APCDD1: variants seen among roughly 807,000 people sequenced by gnomAD.
APCDD1 encodes the protein protein APCDD1.
A neutral mutation model predicts 38.1 loss-of-function variants in APCDD1; 15 were observed. That is an observed-to-expected ratio of 0.39 (90% CI 0.26 to 0.61). APCDD1 has a LOEUF of 0.61. APCDD1 is among the 20% of genes least tolerant of loss of function. APCDD1 has a pLI of 0.49. For missense variants in APCDD1, 647 were observed against 696.2 expected, an observed-to-expected ratio of 0.93 and a Z score of 0.79; for synonymous variants, 261 against 279.7, an observed-to-expected ratio of 0.93 and a Z score of 0.67.
chr18:10,464,685 T>C (rs1395706223), intron 1 of APCDD1, among the ~76,000 whole-genome samples: 1 of 152,128 alleles, frequency 6.6e-6, no homozygotes. Context: ...CCTCCCAGGG[T>C]GTTGGGATTA....
Position 10,488,166 on chromosome 18 carries a change from T to C in APCDD1, c.*128T>C. On this transcript the variant is annotated 3_prime_UTR_variant, in exon 5 of 5. Coordinates refer to ENST00000355285, the MANE Select transcript of APCDD1 (RefSeq NM_153000.5). ...CAGAGAACTGTCCTTCTTTTTCTCC[T>C]CTCCCTCCCTCCCAGCCCCTGAGTC... The C allele has an allele frequency of 8.6e-7, 1 of 1,164,832 alleles. No homozygotes were observed. The highest frequency in any genetic ancestry group is 1.2e-6 in the Non-Finnish European group (1 of 819,398). The allele number at this position is 1,164,832 out of a possible 1,614,324, so 72.2% of individuals were successfully genotyped here.
rs1313259355 is a variant in APCDD1, at chr18:10,470,939, T to C, written c.243-591T>C. ...TTTAGTTAATTGCCCCCTTTACTTTTCTACTAGAGAGAAAATTAATTCTGA... is the reference window on the plus strand; with the variant it reads ...TTTAGTTAATTGCCCCCTTTACTTTCCTACTAGAGAGAAAATTAATTCTGA... On this transcript the variant is annotated intron_variant, in intron 2 of 4. Coordinates refer to ENST00000355285, the MANE Select transcript of APCDD1 (RefSeq NM_153000.5). The surrounding 1 kb of genome is among the most constrained non-coding windows in gnomAD (Gnocchi z 4.1). Among the ~76,000 whole-genome samples, 1 of 152,238 alleles carries C rather than the reference T, an allele frequency of 6.6e-6. No individual in the cohort carries two copies. Among genetic ancestry groups the C allele is most frequent in the Non-Finnish European group, 1.5e-5 (1 of 68,044 alleles).
Position 10,472,481 on chromosome 18 carries a change from G to C in APCDD1, c.774+420G>C, listed in dbSNP as rs1440761092. ...CAGCTACCCAGGCCCTGGAGGAGGC[G>C]GGGAGGGACAGAAAGGGGAGGTGAC... is the stretch of plus-strand genomic sequence containing the variant. On this transcript the variant is annotated intron_variant, in intron 3 of 4. Coordinates refer to ENST00000355285, the MANE Select transcript of APCDD1 (RefSeq NM_153000.5). This position sits in a 1 kb window ranked among gnomAD's most constrained non-coding sequence, Gnocchi z 6.6. Among the ~76,000 whole-genome samples the C allele has an allele frequency of 6.6e-6, 1 of 152,162 alleles. No individual in the cohort carries two copies. The highest frequency in any genetic ancestry group is 1.5e-5 in the Non-Finnish European group (1 of 68,022).
rs1330136071 is a variant in APCDD1 at position 10,476,975 on chromosome 18, G to A, written c.774+4914G>A. ...TTCCTGATGTCAGTGACACCATGGG[G>A]ATGTTGAGTCAGGTGGTCTTGGAGC... On this transcript the variant is annotated intron_variant, in intron 3 of 4. Coordinates refer to ENST00000355285, the MANE Select transcript of APCDD1 (RefSeq NM_153000.5). The surrounding 1 kb of genome is among the most constrained non-coding windows in gnomAD (Gnocchi z 5.8). The A allele has an allele frequency of 6.6e-6, 1 of 152,438 alleles. No individual in the cohort carries two copies. Among genetic ancestry groups the A allele is most frequent in the East Asian group, 1.9e-4 (1 of 5,188 alleles). 9.4% of individuals were successfully genotyped at this position (152,438 alleles called of 1,614,324 possible). A position where few individuals can be genotyped will look rare whatever the true frequency, so the allele number is the denominator to read the frequency against.
chr18:10,485,570 T>C lies in APCDD1; in HGVS notation c.883T>C (p.Trp295Arg). Residue 295 changes from tryptophan (W) to arginine (R), a missense_variant, in exon 4 of 5, where the codon TGG (tryptophan) becomes CGG (arginine). Trp to Arg is a moderately radical substitution (Grantham distance 101). Transcript: ENST00000355285. The surrounding 1 kb of genome is among the most constrained non-coding windows in gnomAD (Gnocchi z 5.8). ...ADLTIGLHGEWVSQRCEVRPE... is the reference protein window; with the variant it reads ...ADLTIGLHGERVSQRCEVRPE... ...CCTGACCATCGGCCTGCACGGGGAG[T>C]GGGTGAGCCAGCGCTGTGAGGTGCG... is the stretch of plus-strand genomic sequence containing the variant. 3 of 1,613,550 alleles carry C rather than the reference T, an allele frequency of 1.9e-6. No individual in the cohort carries two copies. Among genetic ancestry groups the C allele is most frequent in the Non-Finnish European group, 2.5e-6 (3 of 1,179,928 alleles).
Position 10,471,807 on chromosome 18 carries a change from T to C in APCDD1, c.520T>C (p.Phe174Leu). The part of the protein sequence containing the change: ...GQQVNRTCPG[F>L]LADGGPWVQD... ...GCAGGTGAACCGCACATGCCCGGGC[T>C]TCCTCGCAGACGGGGGTCCCTGGGT... The change falls in exon 3 of 5, where the codon TTC (phenylalanine) becomes CTC (leucine). Residue 174 changes from phenylalanine (F) to leucine (L), a missense_variant. Transcript: ENST00000355285. This position sits in a 1 kb window ranked among gnomAD's most constrained non-coding sequence, Gnocchi z 5.5. 1 of 1,613,704 alleles carries C rather than the reference T, an allele frequency of 6.2e-7. No homozygotes were observed. The highest frequency in any genetic ancestry group is 8.5e-7 in the Non-Finnish European group (1 of 1,179,724).
At chr18:10,484,014 C>T (rs2031194488) in intron 3 of APCDD1, among the ~76,000 whole-genome samples, 1 of 152,216 alleles carries the variant, frequency 6.6e-6, no homozygotes, top group Non-Finnish European at 1.5e-5. Context: ...TGACTTCCAG[C>T]ATCTCTGACG....
intron 1 of APCDD1, among the ~76,000 whole-genome samples, chr18:10,459,301 G>T (rs968292803): frequency 7.1e-6 from 1 of 140,490 alleles, no homozygotes; most frequent in Non-Finnish European, 1.5e-5. Flanking sequence ...TCCCTGCTGG[G>T]AATCCCACAA....
intron 1 of APCDD1, among the ~76,000 whole-genome samples, chr18:10,457,705 T>C (rs547976209): frequency 1.3e-5 from 2 of 152,360 alleles, no homozygotes; most frequent in East Asian, 1.9e-4. Context: ...AAGTGCATCC[T>C]GTGTGAGGAT....
chr18:10,455,891 C>A (rs2030368775), intron 1 of APCDD1, among the ~76,000 whole-genome samples: 1 of 152,212 alleles, frequency 6.6e-6, no homozygotes, highest in Admixed American at 6.5e-5. Context: ...TGGCAGATCA[C>A]GTCGTGTTGA....
chr18:10,457,498 A>AT (rs1254443362), intron 1 of APCDD1, among the ~76,000 whole-genome samples: 1 of 152,132 alleles, frequency 6.6e-6, no homozygotes, highest in South Asian at 2.1e-4. Context: ...GGAATTAGTG[A>AT]TTTTTTTTCC....
intron 1 of APCDD1, among the ~76,000 whole-genome samples, chr18:10,466,890 CTT>C (rs1356830302): frequency 3.9e-5 from 6 of 152,226 alleles, no homozygotes; most frequent in African/African-American, 1.2e-4. Flanking sequence ...TCTAGAATCT[CTT>C]TTCACAATTT....
chr18:10,466,955 C>T (rs922648188), intron 1 of APCDD1, among the ~76,000 whole-genome samples: 2 of 152,170 alleles, frequency 1.3e-5, no homozygotes, highest in Admixed American at 1.3e-4. Context: ...ACATTCATTG[C>T]ATGTAAAATC....
intron 3 of APCDD1, among the ~76,000 whole-genome samples, chr18:10,474,788 T>C (rs2143542568): frequency 6.6e-6 from 1 of 152,230 alleles, no homozygotes; most frequent in East Asian, 1.9e-4. Context: ...TTCCCGTCAA[T>C]GTCCCTCTGC....
At chr18:10,462,998 C>G (rs1263185099) in intron 1 of APCDD1, among the ~76,000 whole-genome samples, 3 of 152,076 alleles carry the variant, frequency 2.0e-5, no homozygotes, top group Non-Finnish European at 2.9e-5. Context: ...GGTGGCCCCC[C>G]CTTCACCTTT....
intron 4 of APCDD1, among the ~76,000 whole-genome samples, chr18:10,486,819 C>G (rs1166203246): frequency 1.3e-5 from 2 of 152,136 alleles, no homozygotes; most frequent in African/African-American, 4.8e-5. Context: ...GGGTTCAGTC[C>G]CATTACTATA....
At chr18:10,466,966 T>C (rs1398405441) in intron 1 of APCDD1, among the ~76,000 whole-genome samples, 1 of 152,254 alleles carries the variant, frequency 6.6e-6, no homozygotes, top group East Asian at 1.9e-4. Flanking sequence ...ATGTAAAATC[T>C]GTAAGAACGA....
At position 10,475,101 on chromosome 18, in the gene APCDD1, T is replaced by A. The variant is rs767151530; in HGVS notation, c.774+3040T>A. 1.3e-5 allele frequency among the ~76,000 whole-genome samples: 2 copies of A among 152,260 alleles called. No homozygotes were observed. Among genetic ancestry groups the A allele is most frequent in the Non-Finnish European group, 2.9e-5 (2 of 68,054 alleles). ...GTGCAGAATCCTGTGGGCATCAGGATAGGGCCTGAATGCAAAGCTCCATCT... is the reference window on the plus strand; with the variant it reads ...GTGCAGAATCCTGTGGGCATCAGGAAAGGGCCTGAATGCAAAGCTCCATCT... On this transcript the variant is annotated intron_variant, in intron 3 of 4. Coordinates refer to ENST00000355285, the MANE Select transcript of APCDD1 (RefSeq NM_153000.5). The surrounding 1 kb of genome is among the most constrained non-coding windows in gnomAD (Gnocchi z 4.0).
rs200141705 is a variant in APCDD1, at chr18:10,471,629, G to A, written c.342G>A (p.Arg114=). 94 of 1,614,138 alleles carry A rather than the reference G, an allele frequency of 5.8e-5. No individual in the cohort carries two copies. Among genetic ancestry groups the A allele is most frequent in the Non-Finnish European group, 2.5e-5 (30 of 1,180,026 alleles). Residue 114 remains arginine, a synonymous_variant, in exon 3 of 5, where the codon CGG becomes CGA. Transcript: ENST00000355285. The surrounding 1 kb of genome is among the most constrained non-coding windows in gnomAD (Gnocchi z 5.5). ...ACCAATTTTATTATGGCAGCAACCG[G>A]TGCACAAATCCCACTTATACTCTCA... is the stretch of plus-strand genomic sequence containing the variant. The part of the protein sequence containing the change: ...KAYQFYYGSN[R]CTNPTYTLII...
Sources: allele counts gnomAD v4.1 joint callset (sites outside exome capture counted in the v4.1 genomes callset), GRCh38; gene constraint gnomAD v4.1.1; non-coding constraint Gnocchi (gnomAD v3.1); transcripts MANE v1.5; gene names NCBI Gene and HGNC (gene_info 2026-07-23, HGNC 2026-07-21).